SEPTIN9: variants seen among roughly 807,000 people sequenced by gnomAD.
The protein encoded by SEPTIN9 is septin 9, also known as septin-9.
A neutral mutation model predicts 56.6 loss-of-function variants in SEPTIN9; 13 were observed. The ratio of observed to expected loss-of-function variants is 0.23; its 90% CI spans 0.15 to 0.37. SEPTIN9 has a LOEUF of 0.37. SEPTIN9 is among the 10% of genes least tolerant of loss of function. The probability of loss-of-function intolerance (pLI) is 1.00; values close to 1 mark genes in which losing one functional copy is unlikely to be tolerated. For synonymous variants in SEPTIN9, 332 were observed against 334.1 expected, an observed-to-expected ratio of 0.99 and a Z score of 0.07; for missense variants, 650 against 823.1, an observed-to-expected ratio of 0.79 and a Z score of 2.57.
intron 2 of SEPTIN9, among the ~76,000 whole-genome samples, chr17:77,378,872 G>A (rs549855068): frequency 5.5e-4 from 83 of 152,120 alleles, no homozygotes; most frequent in Non-Finnish European, 5.2e-4. Flanking sequence ...TCACAGATGG[G>A]TGGACCATAT....
At chr17:77,322,216 G>C (rs1238551649) in intron 2 of SEPTIN9, among the ~76,000 whole-genome samples, 2 of 152,192 alleles carry the variant, frequency 1.3e-5, no homozygotes, top group African/African-American at 4.8e-5. Flanking sequence ...GGAGCTGGAA[G>C]TGATGGCACC....
rs927803735 is a variant in SEPTIN9 at position 77,317,276 on chromosome 17, C to A, written c.76+10079C>A. 6.6e-6 allele frequency among the ~76,000 whole-genome samples: 1 copy of A among 152,168 alleles called. No homozygotes were observed. The highest frequency in any genetic ancestry group is 1.9e-4 in the East Asian group (1 of 5,188). On this transcript the variant is annotated intron_variant, in intron 2 of 11. Transcript: ENST00000427177. The surrounding 1 kb of genome is among the most constrained non-coding windows in gnomAD (Gnocchi z 4.2). ...AAATCAGGGTGTCCACTGGGCATAG[C>A]CCTCTGGAGGCTCTAGGGCAGGGGT...
intron 3 of SEPTIN9, among the ~76,000 whole-genome samples, chr17:77,443,405 A>G (rs1747467020): frequency 6.6e-6 from 1 of 152,222 alleles, no homozygotes; most frequent in African/African-American, 2.4e-5. Context: ...TTTAAAAGTA[A>G]GGTCACACTT....
At chr17:77,483,552 C>A (rs746684118) in intron 4 of SEPTIN9, 1 of 152,442 alleles carries the variant, frequency 6.6e-6, no homozygotes, top group South Asian at 2.1e-4. Context: ...AGGCAGTGGC[C>A]AGGCTGGGAC....
chr17:77,467,161 C>T (rs896817140), intron 3 of SEPTIN9, among the ~76,000 whole-genome samples: 3 of 152,208 alleles, frequency 2.0e-5, no homozygotes, highest in African/African-American at 4.8e-5. Context: ...CCTTGGGCCG[C>T]GAGACGTCTG....
chr17:77,385,200 G>A (rs1187089693), intron 2 of SEPTIN9, among the ~76,000 whole-genome samples: 1 of 122,748 alleles, frequency 8.1e-6, no homozygotes, highest in Non-Finnish European at 1.6e-5. Flanking sequence ...GTTTCACTGT[G>A]TCCCAGGCTG....
At chr17:77,290,472 G>C (rs1157285112) in intron 1 of SEPTIN9, among the ~76,000 whole-genome samples, 2 of 151,594 alleles carry the variant, frequency 1.3e-5, no homozygotes, top group East Asian at 2.0e-4. Flanking sequence ...TGTTAGCCAG[G>C]ATGGTCTCAA....
At chr17:77,338,026 A>T (rs1158811653) in intron 2 of SEPTIN9, among the ~76,000 whole-genome samples, 4 of 152,046 alleles carry the variant, frequency 2.6e-5, no homozygotes, top group African/African-American at 4.8e-5. Context: ...GTGAAACCTC[A>T]TCTCTATTAG....
intron 2 of SEPTIN9, among the ~76,000 whole-genome samples, chr17:77,331,042 T>G (rs1291826898): frequency 6.6e-6 from 1 of 152,148 alleles, no homozygotes; most frequent in Non-Finnish European, 1.5e-5. Context: ...TGGGTATTGC[T>G]GTTGACAATA....
intron 3 of SEPTIN9, chr17:77,466,348 T>C: frequency 2.0e-6 from 2 of 980,246 alleles, no homozygotes; most frequent in Non-Finnish European, 2.4e-6. Flanking sequence ...CCCTTCCCCC[T>C]CCCAGCCTTG....
chr17:77,288,187 G>A, intron 1 of SEPTIN9: 1 of 1,056,198 alleles, frequency 9.5e-7, no homozygotes, highest in African/African-American at 1.7e-5. Context: ...TCTCAATGGG[G>A]ATGTGGCTTC....
rs531155232 is a variant in SEPTIN9 at position 77,310,583 on chromosome 17, G to T, written c.76+3386G>T. 2.3e-5 allele frequency among the ~76,000 whole-genome samples: 2 copies of T among 85,792 alleles called. No homozygotes were observed. Among genetic ancestry groups the T allele is most frequent in the South Asian group, 6.9e-4 (2 of 2,904 alleles). The allele number at this position is 85,792 out of a possible 152,430, so 56.3% of individuals were successfully genotyped here. A position where few individuals can be genotyped will look rare whatever the true frequency, so the allele number is the denominator to read the frequency against. ...GTTACTAGTGCTGCCGGGAACGTGT[G>T]TTTCCCCAGGTGGATTTGGCTGGGC... On this transcript the variant is annotated intron_variant, in intron 2 of 11. Transcript: ENST00000427177. The surrounding 1 kb of genome is among the most constrained non-coding windows in gnomAD (Gnocchi z 4.7).
At chr17:77,455,829 G>A (rs1383567371) in intron 3 of SEPTIN9, among the ~76,000 whole-genome samples, 1 of 152,240 alleles carries the variant, frequency 6.6e-6, no homozygotes, top group African/African-American at 2.4e-5. Context: ...CAAATAGTTT[G>A]TGGTTTCTGT....
chr17:77,283,177 T>A (rs549529408), intron 1 of SEPTIN9, among the ~76,000 whole-genome samples: 7 of 148,266 alleles, frequency 4.7e-5, no homozygotes, highest in African/African-American at 1.8e-4. Context: ...TTTTTTTTTT[T>A]TAAAAAAAAG....
intron 3 of SEPTIN9, among the ~76,000 whole-genome samples, chr17:77,412,268 G>A (rs2036331840): frequency 6.6e-6 from 1 of 152,154 alleles, no homozygotes; most frequent in South Asian, 2.1e-4. Flanking sequence ...GGTCCAGCAG[G>A]GAGGTCCTAT....
At chr17:77,378,312 G>A (rs1046651767) in intron 2 of SEPTIN9, among the ~76,000 whole-genome samples, 2 of 152,026 alleles carry the variant, frequency 1.3e-5, no homozygotes, top group African/African-American at 2.4e-5. Flanking sequence ...TGCCCAGGCC[G>A]CCCTCACTCT....
intron 3 of SEPTIN9, among the ~76,000 whole-genome samples, chr17:77,407,806 C>T (rs1475186125): frequency 6.6e-6 from 1 of 152,212 alleles, no homozygotes; most frequent in Non-Finnish European, 1.5e-5. Context: ...CCTTTGGGGT[C>T]ATCCCTGGTC....
Position 77,437,318 on chromosome 17 carries a change from G to A in SEPTIN9, c.721+34615G>A, listed in dbSNP as rs1271017964. 6.6e-6 allele frequency among the ~76,000 whole-genome samples: 1 copy of A among 151,910 alleles called. No homozygotes were observed. Among genetic ancestry groups the A allele is most frequent in the African/African-American group, 2.4e-5 (1 of 41,338 alleles). ...ACTCATGGCCTGGTTCCCAGGGATG[G>A]AGCACCGACCCCTCCCTTCTACACC... On this transcript the variant is annotated intron_variant, in intron 3 of 11. Transcript: ENST00000427177. This position sits in a 1 kb window ranked among gnomAD's most constrained non-coding sequence, Gnocchi z 5.3.
At chr17:77,348,701 A>G (rs762415879) in intron 2 of SEPTIN9, among the ~76,000 whole-genome samples, 1 of 152,198 alleles carries the variant, frequency 6.6e-6, no homozygotes, top group Non-Finnish European at 1.5e-5. Context: ...CTTAGAATTA[A>G]CATTGTTTTT....
Sources: gnomAD v4.1 joint callset for allele counts (sites outside exome capture counted in the v4.1 genomes callset) on GRCh38, gnomAD v4.1.1 for gene constraint, Gnocchi (gnomAD v3.1) non-coding constraint, MANE v1.5 for transcripts, NCBI Gene and HGNC (gene_info 2026-07-23, HGNC 2026-07-21) for gene names.